The following MAPKAP1 variants were observed in gnomAD, a reference collection of about 807,000 sequenced individuals.
MAPKAP1 encodes the protein target of rapamycin complex 2 subunit MAPKAP1.
In MAPKAP1, 20 loss-of-function variants were observed where a neutral mutation model predicts 65.7. That is an observed-to-expected ratio of 0.30 (90% confidence interval 0.21 to 0.44). MAPKAP1 has a LOEUF of 0.44. MAPKAP1 is among the 20% of genes least tolerant of loss of function. The pLI, the probability that MAPKAP1 is intolerant of heterozygous loss-of-function variation, is 1.00. For missense variants in MAPKAP1, 423 were observed against 648.0 expected (o/e 0.65, Z 3.77); for synonymous variants, 222 against 244.3 (o/e 0.91, Z 0.85).
intron 7 of MAPKAP1, among the ~76,000 whole-genome samples, chr9:125,509,447 T>C (rs879826719): frequency 5.9e-5 from 9 of 152,246 alleles, no homozygotes; most frequent in Non-Finnish European, 1.0e-4. Flanking sequence ...GCCACTTTTG[T>C]AATTTAAAAA....
rs1164519881 is a variant in MAPKAP1 at position 125,693,701 on chromosome 9, A to ATATATACACATATATACACG, written c.-70+13250_-70+13269dup. Among the ~76,000 whole-genome samples the ATATATACACATATATACACG allele has an allele frequency of 2.5e-5, 2 of 79,026 alleles. 1 individual carries two copies. Among genetic ancestry groups the ATATATACACATATATACACG allele is most frequent in the South Asian group, 6.3e-4 (2 of 3,190 alleles). 51.8% of individuals were successfully genotyped at this position (79,026 alleles called of 152,430 possible). A position where few individuals can be genotyped will look rare whatever the true frequency, so the allele number is the denominator to read the frequency against. ...TATATATACACGTATATATACACGT[A>ATATATACACATATATACACG]TATATACACATATATACACGTATAT... On this transcript the variant is annotated intron_variant, in intron 1 of 11. Transcript: ENST00000265960.
intron 10 of MAPKAP1, among the ~76,000 whole-genome samples, chr9:125,462,621 T>TACTC (rs1853541073): frequency 6.6e-6 from 1 of 152,238 alleles, no homozygotes; most frequent in Admixed American, 6.5e-5. Context: ...TCAGGGTTTG[T>TACTC]TTAATGACTG....
chr9:125,544,716 A>G (rs549506423), intron 6 of MAPKAP1, among the ~76,000 whole-genome samples: 25 of 152,350 alleles, frequency 1.6e-4, no homozygotes, highest in African/African-American at 4.6e-4. Context: ...CCATTTCTCC[A>G]TAAGAATCTC....
intron 4 of MAPKAP1, among the ~76,000 whole-genome samples, chr9:125,614,424 G>C (rs970865095): frequency 6.6e-6 from 1 of 152,126 alleles, no homozygotes; most frequent in East Asian, 1.9e-4. Flanking sequence ...AGGAGTTCGA[G>C]ACCAGCCTGG....
At chr9:125,658,697 A>C (rs895364665) in intron 3 of MAPKAP1, among the ~76,000 whole-genome samples, 1 of 152,248 alleles carries the variant, frequency 6.6e-6, no homozygotes, top group African/African-American at 2.4e-5. Flanking sequence ...GTTCTTATTC[A>C]TTAGTGAACC....
At chr9:125,515,395 T>G (rs1465405614) in intron 7 of MAPKAP1, among the ~76,000 whole-genome samples, 1 of 152,228 alleles carries the variant, frequency 6.6e-6, no homozygotes, top group East Asian at 1.9e-4. Context: ...CAAAGTGCTG[T>G]TATCTTGGCT....
intron 4 of MAPKAP1, among the ~76,000 whole-genome samples, chr9:125,644,878 T>A (rs146654174): frequency 1.3e-5 from 2 of 152,208 alleles, no homozygotes; most frequent in Non-Finnish European, 2.9e-5. Flanking sequence ...CAAAATTACA[T>A]ATTAACATTT....
chr9:125,648,902 C>G (rs961850209), intron 4 of MAPKAP1, among the ~76,000 whole-genome samples: 1 of 151,740 alleles, frequency 6.6e-6, no homozygotes, highest in African/African-American at 2.4e-5. Context: ...GATCACACCA[C>G]TGCACTCCAG....
At chr9:125,503,749 C>T (rs1829051603) in intron 8 of MAPKAP1, among the ~76,000 whole-genome samples, 1 of 151,534 alleles carries the variant, frequency 6.6e-6, no homozygotes, top group Admixed American at 6.6e-5. Flanking sequence ...CGGAATCTCA[C>T]TCTGTCACCC....
rs1303618086 is a variant in MAPKAP1 at position 125,661,726 on chromosome 9, GT to G, written c.350-3928del. Among the ~76,000 whole-genome samples the G allele has an allele frequency of 2.0e-5, 3 of 152,124 alleles. No homozygotes were observed. The East Asian group carries it at 5.8e-4, about 29-fold the overall frequency. ...TTTCTCTGACTTTATCTTGCTTTAT[GT>G]TTCTGACTTTGAAGCCATGTCAATG... On this transcript the variant is annotated intron_variant, in intron 3 of 11. Coordinates refer to ENST00000265960, the MANE Select transcript of MAPKAP1 (RefSeq NM_001006617.3).
At chr9:125,672,820 G>T (rs1205647195) in intron 1 of MAPKAP1, among the ~76,000 whole-genome samples, 177 bp from the exon 2 acceptor site, 3 of 152,186 alleles carry the variant, frequency 2.0e-5, no homozygotes, top group Non-Finnish European at 2.9e-5. Flanking sequence ...AGCACTAGGG[G>T]CTGCAGCTCT....
chr9:125,543,494 T>C (rs576287638), intron 6 of MAPKAP1, among the ~76,000 whole-genome samples: 6 of 152,018 alleles, frequency 3.9e-5, no homozygotes, highest in African/African-American at 1.4e-4. Flanking sequence ...GCCAGGATGG[T>C]CTCGATCTAT....
Position 125,651,927 on chromosome 9 carries a change from T to C in MAPKAP1, c.498+5724A>G, listed in dbSNP as rs767560954. ...GCAGCATTAAGTAAAAGCTGCTTTC[T>C]AGAAACACAGCCAACACTAAAAAGC... On this transcript the variant is annotated intron_variant, in intron 4 of 11. Transcript: ENST00000265960. Among the ~76,000 whole-genome samples, 3 of 152,184 alleles carry C rather than the reference T, an allele frequency of 2.0e-5. No homozygotes were observed. The South Asian group carries it at 6.2e-4, about 32-fold the overall frequency.
rs1834289312 is a variant in MAPKAP1 at position 125,664,724 on chromosome 9, C to CAGAAAAAA, written c.349+5093_349+5094insTTTTTTCT. Among the ~76,000 whole-genome samples, 3 of 59,930 alleles carry CAGAAAAAA rather than the reference C, an allele frequency of 5.0e-5. No homozygotes were observed. The Admixed American group carries it at 7.5e-4, about 15-fold the overall frequency. 39.3% of individuals were successfully genotyped at this position (59,930 alleles called of 152,430 possible). ...TGGGCAACAGAGCAAGACTCACTCT[C>CAGAAAAAA]AAAAAAAAAAAAAAAAGGAAAAGAA... On this transcript the variant is annotated intron_variant, in intron 3 of 11. Transcript: ENST00000265960.
rs1564510727 is a variant in MAPKAP1 at position 125,438,904 on chromosome 9, T to C, written c.1552A>G (p.Lys518Glu). Residue 518 changes from lysine to glutamate, a missense_variant, in exon 12 of 12, where the codon AAA (lysine) becomes GAA (glutamate). By Grantham distance (56) the Lys-to-Glu change is moderately conservative. This residue lies in a region of MAPKAP1 where 185 missense variants were observed against 268.1 expected (regional missense o/e 0.69). Transcript: ENST00000265960. ...GGCCAGTGTCACTGCTGCCCGGATT[T>C]CTTCTCCTTCTGGAAGCTGAAGCTC... ...RTSFSFQKEKKSGQQ is the reference protein window; with the variant it reads ...RTSFSFQKEKESGQQ The C allele has an allele frequency of 6.2e-7, 1 of 1,614,216 alleles. No homozygotes were observed. The highest frequency in any genetic ancestry group is 8.5e-7 in the Non-Finnish European group (1 of 1,180,024).
chr9:125,466,119 T>C (rs969847276), intron 10 of MAPKAP1, among the ~76,000 whole-genome samples: 3 of 152,170 alleles, frequency 2.0e-5, no homozygotes, highest in African/African-American at 7.2e-5. Flanking sequence ...GTGGCTCACG[T>C]CTGTAATCCT....
At chr9:125,696,617 A>C (rs1835393815) in intron 1 of MAPKAP1, among the ~76,000 whole-genome samples, 1 of 152,124 alleles carries the variant, frequency 6.6e-6, no homozygotes, top group Non-Finnish European at 1.5e-5. Flanking sequence ...ATGAAAAAAA[A>C]AACAAAAAAC....
chr9:125,509,093 G>T (rs911596674), intron 7 of MAPKAP1, among the ~76,000 whole-genome samples: 2 of 151,900 alleles, frequency 1.3e-5, no homozygotes, highest in Non-Finnish European at 2.9e-5. Flanking sequence ...TACCAACAAT[G>T]TACTATATAT....
intron 9 of MAPKAP1, among the ~76,000 whole-genome samples, chr9:125,472,997 G>A (rs1298323610): frequency 6.6e-6 from 1 of 151,996 alleles, no homozygotes. Context: ...ATGTGGGGAA[G>A]GATAAGTATG....
Sources: allele counts gnomAD v4.1 joint callset (sites outside exome capture counted in the v4.1 genomes callset), GRCh38; gene constraint gnomAD v4.1.1; regional missense constraint gnomAD v4.1.1; transcripts MANE v1.5; gene names NCBI Gene and HGNC (gene_info 2026-07-23, HGNC 2026-07-21).